RHOA: variants seen among roughly 807,000 people sequenced by gnomAD.
The protein encoded by RHOA is transforming protein RhoA.
Under a neutral mutation model 17.5 loss-of-function variants are expected in RHOA, and 3 were observed. The ratio of observed to expected loss-of-function variants is 0.17; its 90% CI spans 0.08 to 0.44. RHOA has a LOEUF of 0.44. RHOA is among the 20% of genes least tolerant of loss of function. The probability of loss-of-function intolerance (pLI) is 0.99; values close to 1 mark genes in which losing one functional copy is unlikely to be tolerated. For synonymous variants in RHOA, 98 were observed against 88.4 expected (o/e 1.11, Z -0.61); for missense variants, 56 against 242.3 (o/e 0.23, Z 5.10).
chr3:49,369,026 TTTTTTTTTTTTTTG>T, intron 2 of RHOA, among the ~76,000 whole-genome samples: 1 of 117,914 alleles, frequency 8.5e-6, no homozygotes, highest in African/African-American at 3.3e-5. Flanking sequence ...TTTTTTTTTT[TTTTTTTTTTTTTTG>T]TTGAGACGGA....
At chr3:49,386,915 C>T (rs1306089987) in intron 1 of RHOA, among the ~76,000 whole-genome samples, 1 of 146,878 alleles carries the variant, frequency 6.8e-6, no homozygotes, top group African/African-American at 2.5e-5. Flanking sequence ...GAAATCGAGA[C>T]CAGTCTGGCC....
rs1469858508 is a variant in RHOA at position 49,397,008 on chromosome 3, T to C, written c.-3+14812A>G. On this transcript the variant is annotated intron_variant, in intron 1 of 4. Coordinates refer to ENST00000418115, the MANE Select transcript of RHOA (RefSeq NM_001664.4). ...ACCCAGGCGTGGTAGCATATACCTGTGGTCCCACCTACTCTGCAGGCTGAG... is the reference window on the plus strand; with the variant it reads ...ACCCAGGCGTGGTAGCATATACCTGCGGTCCCACCTACTCTGCAGGCTGAG... Among the ~76,000 whole-genome samples the C allele has an allele frequency of 2.0e-5, 3 of 151,548 alleles. No individual in the cohort carries two copies. The East Asian group carries it at 5.8e-4, about 29-fold the overall frequency.
intron 3 of RHOA, among the ~76,000 whole-genome samples, chr3:49,367,646 G>A (rs1206765797): frequency 6.7e-6 from 1 of 150,268 alleles, no homozygotes; most frequent in Non-Finnish European, 1.5e-5. Context: ...CTCAGCCCCT[G>A]GAATAGCTGG....
intron 1 of RHOA, among the ~76,000 whole-genome samples, chr3:49,383,419 C>A (rs1438814055): frequency 2.1e-3 from 266 of 124,626 alleles, no homozygotes; most frequent in East Asian, 3.7e-3. Context: ...GAATCCATCT[C>A]AAAAAAAAAA....
chr3:49,373,997 C>A (rs17080567), intron 2 of RHOA, among the ~76,000 whole-genome samples: 3,675 of 152,142 alleles, frequency 0.024, 159 homozygotes, highest in African/African-American at 0.085. Context: ...AAGCACTGTT[C>A]TCACCATCAA....
At chr3:49,374,284 G>C (rs2048189816) in intron 2 of RHOA, among the ~76,000 whole-genome samples, 1 of 152,174 alleles carries the variant, frequency 6.6e-6, no homozygotes, top group Non-Finnish European at 1.5e-5. Context: ...AGGAGGCAGA[G>C]CTTGAACTAG....
intron 1 of RHOA, among the ~76,000 whole-genome samples, chr3:49,387,333 A>C (rs1447229395): frequency 6.6e-6 from 1 of 150,690 alleles, no homozygotes; most frequent in African/African-American, 2.4e-5. Flanking sequence ...AGTCCCAGCT[A>C]CTTGGGAGGC....
intron 1 of RHOA, among the ~76,000 whole-genome samples, chr3:49,382,440 T>C (rs190932436): frequency 1.0e-3 from 152 of 152,014 alleles, no homozygotes; most frequent in African/African-American, 3.5e-3. Flanking sequence ...TTGGAGACCA[T>C]CCTAAACAAC....
chr3:49,396,038 TGAA>T (rs2048609921), intron 1 of RHOA, among the ~76,000 whole-genome samples: 1 of 152,024 alleles, frequency 6.6e-6, no homozygotes, highest in Non-Finnish European at 1.5e-5. Flanking sequence ...GTGGTGGTCA[TGAA>T]GAAGCCAGAA....
chr3:49,404,459 A>ACACACACACAC (rs1466095718), intron 1 of RHOA, among the ~76,000 whole-genome samples: 1 of 3,034 alleles, frequency 3.3e-4, no homozygotes, highest in Non-Finnish European at 1.6e-3. Flanking sequence ...CACACACACA[A>ACACACACACAC]AATTAGCCGG....
chr3:49,387,229 G>T (rs1363782089), intron 1 of RHOA, among the ~76,000 whole-genome samples: 1 of 146,154 alleles, frequency 6.8e-6, no homozygotes, highest in Non-Finnish European at 1.5e-5. Flanking sequence ...CGGATCATGA[G>T]GTCAGGAAAT....
chr3:49,384,189 C>T (rs975044225), intron 1 of RHOA, among the ~76,000 whole-genome samples: 4 of 152,084 alleles, frequency 2.6e-5, no homozygotes, highest in African/African-American at 7.2e-5. Context: ...ACTGGGAGTG[C>T]GGCAATACAC....
intron 1 of RHOA, among the ~76,000 whole-genome samples, chr3:49,377,086 C>T (rs1421821437): frequency 6.6e-6 from 1 of 152,142 alleles, no homozygotes; most frequent in Non-Finnish European, 1.5e-5. Flanking sequence ...CGAGATCATG[C>T]CATTGCACTC....
At chr3:49,379,776 AGT>A (rs999548369) in intron 1 of RHOA, among the ~76,000 whole-genome samples, 11 of 152,182 alleles carry the variant, frequency 7.2e-5, no homozygotes, top group African/African-American at 2.7e-4. Context: ...TGTCTCTCCC[AGT>A]GTGTTGGGAT....
intron 1 of RHOA, among the ~76,000 whole-genome samples, chr3:49,381,098 T>C (rs1028039690): frequency 8.6e-5 from 13 of 151,712 alleles, no homozygotes; most frequent in Non-Finnish European, 1.8e-4. Context: ...TCAATGCATA[T>C]CTTCAAACAA....
At chr3:49,387,229 G>A (rs1363782089) in intron 1 of RHOA, among the ~76,000 whole-genome samples, 1 of 146,154 alleles carries the variant, frequency 6.8e-6, no homozygotes, top group African/African-American at 2.5e-5. Context: ...CGGATCATGA[G>A]GTCAGGAAAT....
chr3:49,403,549 T>C, intron 1 of RHOA, among the ~76,000 whole-genome samples: 1 of 149,030 alleles, frequency 6.7e-6, no homozygotes, highest in African/African-American at 2.5e-5. Flanking sequence ...CCCCTCTCTC[T>C]ACAAAAAAAA....
chr3:49,382,444 AAAC>A (rs2107862447), intron 1 of RHOA, among the ~76,000 whole-genome samples: 1 of 152,186 alleles, frequency 6.6e-6, no homozygotes, highest in East Asian at 1.9e-4. Flanking sequence ...AGACCATCCT[AAAC>A]AACACAGTGA....
At chr3:49,392,735 TG>T (rs2048530874) in intron 1 of RHOA, among the ~76,000 whole-genome samples, 1 of 152,188 alleles carries the variant, frequency 6.6e-6, no homozygotes, top group Non-Finnish European at 1.5e-5. Flanking sequence ...GCTATGGTAC[TG>T]GACAGTGCAG....
Sources: allele counts gnomAD v4.1 joint callset (sites outside exome capture counted in the v4.1 genomes callset), GRCh38; gene constraint gnomAD v4.1.1; transcripts MANE v1.5; gene names NCBI Gene and HGNC (gene_info 2026-07-23, HGNC 2026-07-21).